Variants in FOXN3 observed in about 807,000 individuals in gnomAD.
FOXN3 encodes forkhead box N3.
FOXN3 carries 7 observed loss-of-function variants against 38.4 expected under a neutral mutation model. The ratio of observed to expected loss-of-function variants is 0.18; its 90% CI spans 0.10 to 0.34. The LOEUF is 0.34. Among genes scored for constraint, FOXN3 ranks in the 10% least tolerant of loss-of-function variants. FOXN3 has a pLI of 1.00. For missense variants in FOXN3, 456 were observed against 613.4 expected (o/e 0.74, Z 2.71); for synonymous variants, 230 against 242.2 (o/e 0.95, Z 0.47).
intron 4 of FOXN3, among the ~76,000 whole-genome samples, chr14:89,220,793 C>A (rs991265799): frequency 2.0e-5 from 3 of 152,230 alleles, no homozygotes; most frequent in Non-Finnish European, 4.4e-5. Flanking sequence ...CTTTGAAAGA[C>A]GGCCAGAAGA....
intron 1 of FOXN3, among the ~76,000 whole-genome samples, chr14:89,505,581 A>G (rs906704212): frequency 1.3e-5 from 2 of 152,156 alleles, no homozygotes; most frequent in African/African-American, 4.8e-5. Context: ...TCAGTGCTCA[A>G]TGGTGCCCAG....
intron 1 of FOXN3, among the ~76,000 whole-genome samples, chr14:89,453,555 G>A (rs1273920277): frequency 2.2e-4 from 15 of 69,526 alleles, no homozygotes; most frequent in African/African-American, 8.5e-4. Flanking sequence ...GCAAGACTCC[G>A]TCTCAAAAAA....
At chr14:89,336,211 G>A (rs879381987) in intron 3 of FOXN3, among the ~76,000 whole-genome samples, 17 of 15,074 alleles carry the variant, frequency 1.1e-3, no homozygotes, top group Non-Finnish European at 2.7e-3. Context: ...TTCTCCTAAC[G>A]GTGCCTCCAT....
rs1327868313 is a variant in FOXN3, at chr14:89,417,216, C to CA, written c.-361dup. The stretch of plus-strand genomic sequence containing the variant: ...GGCGAGAAATTGTTTCCACTGCAAA[C>CA]AAAAAAAGGCGACACATGACCAGGC... On this transcript the variant is annotated 5_prime_UTR_variant, in exon 1 of 6. The change creates a premature stop within an existing upstream ORF in the 5' untranslated region. Coordinates refer to ENST00000557258, the MANE Select transcript of FOXN3 (RefSeq NM_005197.4). The CA allele has an allele frequency of 7.1e-6, 1 of 140,378 alleles. No individual in the cohort carries two copies. Among genetic ancestry groups the CA allele is most frequent in the Non-Finnish European group, 1.6e-5 (1 of 64,296 alleles). 8.7% of individuals were successfully genotyped at this position (140,378 alleles called of 1,614,324 possible).
chr14:89,214,559 G>A (rs1038024276), intron 4 of FOXN3, among the ~76,000 whole-genome samples: 1 of 152,222 alleles, frequency 6.6e-6, no homozygotes, highest in Non-Finnish European at 1.5e-5. Context: ...GCTTTTGTAA[G>A]TCAAGTTGGT....
intron 3 of FOXN3, among the ~76,000 whole-genome samples, chr14:89,331,162 T>A (rs1475690036): frequency 1.3e-5 from 2 of 152,228 alleles, no homozygotes; most frequent in African/African-American, 4.8e-5. Flanking sequence ...CCAGAACTTC[T>A]TCATCATCCC....
At chr14:89,354,907 G>C (rs1158295506) in intron 2 of FOXN3, among the ~76,000 whole-genome samples, 2 of 152,074 alleles carry the variant, frequency 1.3e-5, no homozygotes, top group Non-Finnish European at 2.9e-5. Flanking sequence ...ACACCATTAA[G>C]TGTCGGGGAA....
chr14:89,474,390 T>G (rs1292340671), intron 1 of FOXN3, among the ~76,000 whole-genome samples: 1 of 152,154 alleles, frequency 6.6e-6, no homozygotes, highest in Non-Finnish European at 1.5e-5. Flanking sequence ...ACACCTACAT[T>G]CTGATATTCC....
intron 1 of FOXN3, among the ~76,000 whole-genome samples, chr14:89,501,852 A>AAAAC (rs141179233): frequency 0.045 from 6,882 of 151,696 alleles, 505 homozygotes; most frequent in African/African-American, 0.15. Flanking sequence ...CCATCTCAAA[A>AAAAC]AAACAAACAA....
intron 1 of FOXN3, among the ~76,000 whole-genome samples, chr14:89,591,188 A>G (rs1314854331): frequency 6.6e-6 from 1 of 152,200 alleles, no homozygotes; most frequent in African/African-American, 2.4e-5. Context: ...CAGCCTACAG[A>G]ATCCACACTG....
At chr14:89,517,584 C>G (rs420808) in intron 1 of FOXN3, among the ~76,000 whole-genome samples, 84,875 of 151,428 alleles carry the variant, frequency 0.56, 24,047 homozygotes, top group Admixed American at 0.63. Context: ...AACAAGAGCA[C>G]GGTCAAGAGG....
intron 1 of FOXN3, among the ~76,000 whole-genome samples, chr14:89,446,087 C>CAAAAAAA (rs576883864): frequency 0.015 from 585 of 40,082 alleles, 25 homozygotes; most frequent in Non-Finnish European, 0.016. Flanking sequence ...GACCCTGCCT[C>CAAAAAAA]AAAAAAAAAA....
intron 4 of FOXN3, among the ~76,000 whole-genome samples, chr14:89,259,654 C>T (rs752731043): frequency 6.6e-6 from 1 of 152,130 alleles, no homozygotes; most frequent in Non-Finnish European, 1.5e-5. Flanking sequence ...ATATGTTAGA[C>T]AAATTAATTA....
intron 2 of FOXN3, among the ~76,000 whole-genome samples, chr14:89,371,975 C>T (rs1409065429): frequency 6.6e-6 from 1 of 152,098 alleles, no homozygotes; most frequent in African/African-American, 2.4e-5. Flanking sequence ...AGTGCACCCC[C>T]GGCTTTGCTA....
At chr14:89,470,717 C>T (rs1893076809) in intron 1 of FOXN3, among the ~76,000 whole-genome samples, 1 of 152,144 alleles carries the variant, frequency 6.6e-6, no homozygotes. Context: ...CCCCATGGAA[C>T]GCATTATGCC....
chr14:89,334,026 T>TAC (rs34061100), intron 3 of FOXN3, among the ~76,000 whole-genome samples: 70,691 of 126,938 alleles, frequency 0.56, 19,488 homozygotes, highest in Admixed American at 0.65. Context: ...AAATGTGGTA[T>TAC]ACACACACAC....
At chr14:89,604,341 C>T (rs1038841665) in intron 1 of FOXN3, among the ~76,000 whole-genome samples, 5 of 151,926 alleles carry the variant, frequency 3.3e-5, no homozygotes, top group East Asian at 3.9e-4. Flanking sequence ...GAGGAGAACC[C>T]GGCCAACAAA....
chr14:89,549,216 C>CTTTTG (rs542851330), intron 1 of FOXN3, among the ~76,000 whole-genome samples: 1 of 150,180 alleles, frequency 6.7e-6, no homozygotes, highest in Non-Finnish European at 1.5e-5. Flanking sequence ...TTTGAAAGGC[C>CTTTTG]TTTTGTTTTA....
Position 89,262,213 on chromosome 14 carries a change from T to C in FOXN3, c.745+18737A>G, listed in dbSNP as rs570616633. Among the ~76,000 whole-genome samples, 11 of 152,336 alleles carry C rather than the reference T, an allele frequency of 7.2e-5. No homozygotes were observed. In the East Asian group the frequency reaches 1.5e-3, roughly 21 times the overall value. On this transcript the variant is annotated intron_variant, in intron 4 of 5. Coordinates refer to ENST00000557258, the MANE Select transcript of FOXN3 (RefSeq NM_005197.4). Reference sequence around the variant, plus strand: ...AGAAGGGGCAGGTTTTACCACCAGTTTGCCTGTGACTCAGGGCAAGCCCTG... The same window carrying C: ...AGAAGGGGCAGGTTTTACCACCAGTCTGCCTGTGACTCAGGGCAAGCCCTG...
Sources: gnomAD v4.1 joint callset for allele counts (sites outside exome capture counted in the v4.1 genomes callset) on GRCh38, gnomAD v4.1.1 for gene constraint, MANE v1.5 for transcripts, NCBI Gene and HGNC (gene_info 2026-07-23, HGNC 2026-07-21) for gene names.